The following TARS1 variants were observed in gnomAD, a reference collection of about 807,000 sequenced individuals.
The protein encoded by TARS1 is threonine--tRNA ligase 1, cytoplasmic.
Under a neutral mutation model 97.7 loss-of-function variants are expected in TARS1, and 57 were observed. That is an observed-to-expected ratio of 0.58 (90% CI 0.47 to 0.73). TARS1 has a LOEUF of 0.73. TARS1 is among the 30% of genes least tolerant of loss of function. The pLI is 0.00. For synonymous variants in TARS1, 312 were observed against 293.7 expected (o/e 1.06, Z -0.64); for missense variants, 806 against 888.3 (o/e 0.91, Z 1.18).
In TARS1 at chr5:33,460,979, A is replaced by G. The variant is rs1363740047; in HGVS notation, c.1328A>G (p.Asn443Ser). The G allele has an allele frequency of 1.2e-6, 2 of 1,614,178 alleles. No homozygotes were observed. Among genetic ancestry groups the G allele is most frequent in the African/African-American group, 1.3e-5 (1 of 75,036 alleles). The change falls in exon 12 of 19, where the codon AAC (asparagine) becomes AGC (serine). Residue 443 changes from asparagine (N) to serine (S), a missense_variant. Around this residue, in one of 3 missense-constraint regions of TARS1, gnomAD observed 446 missense variants for 511.0 expected, o/e 0.87. Transcript: ENST00000265112. Reference protein sequence around the residue: ...RLADFGVLHRNELSGALTGLT... With the variant: ...RLADFGVLHRSELSGALTGLT... ...GCTGATTTTGGGGTACTTCATAGGA[A>G]CGAGCTGTCTGGAGCACTCACAGGA...
intron 2 of TARS1, among the ~76,000 whole-genome samples, chr5:33,446,389 A>G (rs1459623144): frequency 1.3e-5 from 2 of 152,246 alleles, no homozygotes; most frequent in Non-Finnish European, 2.9e-5. Flanking sequence ...GGAAAAATGC[A>G]TATGTTCCCT....
Position 33,455,985 on chromosome 5 carries a change from A to AT in TARS1, c.694-12dup. The AT allele has an allele frequency of 3.1e-6, 5 of 1,611,052 alleles. No individual in the cohort carries two copies. The highest frequency in any genetic ancestry group is 4.2e-6 in the Non-Finnish European group (5 of 1,178,204). ...TAAAGGACAGTTTTTTAAAATAATA[A>AT]TTTTTCCTGTTTTCAGTACAACAAG... On this transcript the variant is annotated splice_polypyrimidine_tract_variant and intron_variant, in intron 6 of 18. Coordinates refer to ENST00000265112, the MANE Select transcript of TARS1 (RefSeq NM_152295.5).
intron 3 of TARS1, among the ~76,000 whole-genome samples, chr5:33,451,888 T>A (rs547672246): frequency 6.6e-5 from 10 of 152,234 alleles, no homozygotes; most frequent in East Asian, 1.9e-4. Context: ...AAAACTGTTT[T>A]ACACCAATAT....
chr5:33,466,843 G>T (rs760346763), intron 17 of TARS1, 28 bp from the exon 18 acceptor site: 2 of 1,511,932 alleles, frequency 1.3e-6, no homozygotes, highest in East Asian at 2.3e-5. Context: ...TTTTAGATCT[G>T]ACAAATTCTG....
intron 1 of TARS1, among the ~76,000 whole-genome samples, chr5:33,443,284 C>A (rs995807535): frequency 6.8e-6 from 1 of 146,610 alleles, no homozygotes; most frequent in East Asian, 2.1e-4. Context: ...TATTTAGAAC[C>A]AGAAAACCTT....
In TARS1 at chr5:33,458,572, G is replaced by A. The variant is rs1418256196; in HGVS notation, c.991G>A (p.Glu331Lys). Residue 331 changes from glutamate (E) to lysine (K), a missense_variant, in exon 10 of 19, where the codon GAA becomes AAA. This residue lies in a region of TARS1 where 446 missense variants were observed against 511.0 expected (regional missense o/e 0.87). Coordinates refer to ENST00000265112, the MANE Select transcript of TARS1 (RefSeq NM_152295.5). ...TTGCTTTTCTTTTACCCAGGACCAA[G>A]AACTATATTTCTTTCATGAACTCAG... ...RDHRKIGRDQ[E>K]LYFFHELSPG... 6.2e-7 allele frequency: 1 copy of A among 1,612,712 alleles called. No homozygotes were observed. Among genetic ancestry groups the A allele is most frequent in the Non-Finnish European group, 8.5e-7 (1 of 1,179,502 alleles).
At chr5:33,453,086 T>C (rs1741825499) in intron 3 of TARS1, among the ~76,000 whole-genome samples, 1 of 152,184 alleles carries the variant, frequency 6.6e-6, no homozygotes, top group Non-Finnish European at 1.5e-5. Flanking sequence ...ATGATAATGT[T>C]CTGCATTTTC....
At position 33,467,880 on chromosome 5, in the gene TARS1, G is replaced by A. The variant is rs754827792; in HGVS notation, c.*172G>A. 3.9e-5 allele frequency: 23 copies of A among 593,026 alleles called. No homozygotes were observed. The highest frequency in any genetic ancestry group is 6.3e-5 in the Non-Finnish European group (23 of 364,212). The allele number at this position is 593,026 out of a possible 1,614,324, so 36.7% of individuals were successfully genotyped here. A position where few individuals can be genotyped will look rare whatever the true frequency, so the allele number is the denominator to read the frequency against. ...TTGACCTAGTCAGTTTTTAAACAAT[G>A]TGCATTTGAAGGAGTTAATTAAAAG... On this transcript the variant is annotated 3_prime_UTR_variant, in exon 19 of 19. Coordinates refer to ENST00000265112, the MANE Select transcript of TARS1 (RefSeq NM_152295.5).
intron 16 of TARS1, 84 bp from the exon 17 acceptor site, chr5:33,463,669 C>CA (rs1407592005): frequency 8.3e-7 from 1 of 1,203,912 alleles, no homozygotes; most frequent in Non-Finnish European, 1.2e-6. Context: ...GGAAAAGATA[C>CA]TGAAGAGTAG....
At chr5:33,451,661 C>T (rs935209881) in intron 3 of TARS1, among the ~76,000 whole-genome samples, 1 of 152,224 alleles carries the variant, frequency 6.6e-6, no homozygotes, top group African/African-American at 2.4e-5. Context: ...GCGTGAGCCA[C>T]TGCGCCTGGC....
At chr5:33,456,445 G>T (rs959381317) in intron 8 of TARS1, among the ~76,000 whole-genome samples, 1 of 152,192 alleles carries the variant, frequency 6.6e-6, no homozygotes, top group Non-Finnish European at 1.5e-5. Context: ...AATCACAGGG[G>T]ATGGAGATTT....
At position 33,456,202 on chromosome 5, in the gene TARS1, A is replaced by G; in HGVS notation, c.812A>G (p.Lys271Arg). The G allele has an allele frequency of 6.2e-7, 1 of 1,613,968 alleles. No individual in the cohort carries two copies. Among genetic ancestry groups the G allele is most frequent in the Non-Finnish European group, 8.5e-7 (1 of 1,179,882 alleles). ...GGTCCTCATGTTAGACACACGGGCA[A>G]AATTAAGGCTTTAAAAATACACAAA... Reference protein sequence around the residue: ...CRGPHVRHTGKIKALKIHKNS... With the variant: ...CRGPHVRHTGRIKALKIHKNS... The change falls in exon 8 of 19, where the codon AAA becomes AGA. Residue 271 changes from lysine (K) to arginine (R), a missense_variant. Around this residue, in one of 3 missense-constraint regions of TARS1, gnomAD observed 356 missense variants for 357.8 expected, o/e 0.99. Coordinates refer to ENST00000265112, the MANE Select transcript of TARS1 (RefSeq NM_152295.5).
At chr5:33,441,202 A>C in intron 1 of TARS1, 59 bp downstream of exon 1, 1 of 1,601,448 alleles carries the variant, frequency 6.2e-7, no homozygotes, top group Non-Finnish European at 8.5e-7. Flanking sequence ...TGCAGACGCT[A>C]CGCTCGCGGC....
At chr5:33,465,185 A>G (rs140298665) in intron 17 of TARS1, among the ~76,000 whole-genome samples, 21 of 152,380 alleles carry the variant, frequency 1.4e-4, no homozygotes, top group Admixed American at 3.9e-4. Context: ...TTTAGTTACA[A>G]ATGATGACAA....
At chr5:33,442,799 C>T (rs563091777) in intron 1 of TARS1, among the ~76,000 whole-genome samples, 7 of 152,284 alleles carry the variant, frequency 4.6e-5, no homozygotes, top group East Asian at 3.9e-4. Context: ...CCACCGCGCC[C>T]GGCCTCATTC....
At chr5:33,461,110 AG>A in intron 12 of TARS1, 46 bp downstream of exon 12, 1 of 1,606,350 alleles carries the variant, frequency 6.2e-7, no homozygotes, top group Admixed American at 1.7e-5. Flanking sequence ...GAGTCAAGAA[AG>A]TCAAGGAAAA....
chr5:33,449,560 A>G (rs920040277), intron 3 of TARS1, among the ~76,000 whole-genome samples: 1 of 136,092 alleles, frequency 7.3e-6, no homozygotes, highest in Non-Finnish European at 1.5e-5. Flanking sequence ...GGTTCACGCC[A>G]TTCTCCTGCC....
intron 2 of TARS1, among the ~76,000 whole-genome samples, chr5:33,447,502 C>T (rs989523552): frequency 6.6e-6 from 1 of 152,184 alleles, no homozygotes; most frequent in African/African-American, 2.4e-5. Flanking sequence ...CTGCCTTGGC[C>T]TCCCTAAGTG....
At position 33,466,488 on chromosome 5, in the gene TARS1, A is replaced by G. The variant is rs1742533639; in HGVS notation, c.1909-383A>G. Among the ~76,000 whole-genome samples the G allele has an allele frequency of 2.0e-5, 3 of 151,870 alleles. No individual in the cohort carries two copies. In the South Asian group the frequency reaches 6.2e-4, roughly 31 times the overall value. The stretch of plus-strand genomic sequence containing the variant: ...TCGTGTGATATTTTTCACATCTGTA[A>G]TCTGAGGTTCATATGAAATGATAGT... On this transcript the variant is annotated intron_variant, in intron 17 of 18. Coordinates refer to ENST00000265112, the MANE Select transcript of TARS1 (RefSeq NM_152295.5).
Sources: allele counts gnomAD v4.1 joint callset (sites outside exome capture counted in the v4.1 genomes callset), GRCh38; gene constraint gnomAD v4.1.1; regional missense constraint gnomAD v4.1.1; transcripts MANE v1.5; gene names NCBI Gene and HGNC (gene_info 2026-07-23, HGNC 2026-07-21).